The following LINGO2 variants were observed in gnomAD, a reference collection of about 807,000 sequenced individuals.
LINGO2 encodes leucine rich repeat and Ig domain containing 2, also known as leucine-rich repeat and immunoglobulin-like domain-containing nogo receptor-interacting protein 2.
Under a neutral mutation model 30.6 loss-of-function variants are expected in LINGO2, and 14 were observed. That is an observed-to-expected ratio of 0.46 (90% CI 0.30 to 0.72). The LOEUF is 0.72. LINGO2 is among the 30% of genes least tolerant of loss of function. LINGO2 has a pLI of 0.07. For missense variants in LINGO2, 729 were observed against 751.7 expected (o/e 0.97, Z 0.35); for synonymous variants, 317 against 288.5 (o/e 1.10, Z -1.00).
rs112429400 is a variant in LINGO2 at position 28,512,047 on chromosome 9, G to A, written c.-364-36022C>T. ...GGGGAGAGAAGGCAGGATGGCAGGC[G>A]TGGAGGCCATGGGCATTTGAGCCAC... On this transcript the variant is annotated intron_variant, in intron 1 of 5. Coordinates refer to ENST00000379992, the Ensembl canonical transcript of LINGO2. 1.8e-4 allele frequency among the ~76,000 whole-genome samples: 26 copies of A among 145,132 alleles called. 1 individual carries two copies. Among genetic ancestry groups the A allele is most frequent in the African/African-American group, 2.3e-4 (9 of 38,822 alleles).
downstream of LINGO2, chr9:27,943,838 C>G (rs1823263908): frequency 6.6e-6 from 1 of 152,158 alleles, no homozygotes; most frequent in South Asian, 2.1e-4. Context: ...CTTCTGTGGG[C>G]TGTCTCAGGG....
chr9:28,414,196 T>C (rs1564184894), intron 2 of LINGO2, among the ~76,000 whole-genome samples: 1 of 152,040 alleles, frequency 6.6e-6, no homozygotes, highest in Non-Finnish European at 1.5e-5. Context: ...ACTTTACTTG[T>C]TACTGTTTTG....
intron 4 of LINGO2, among the ~76,000 whole-genome samples, chr9:28,146,644 C>A (rs2383762): frequency 6.6e-6 from 1 of 151,898 alleles, no homozygotes; most frequent in Non-Finnish European, 1.5e-5. Context: ...ATGTAGAGTG[C>A]CCAAATGGTT....
intron 1 of LINGO2, among the ~76,000 whole-genome samples, chr9:28,600,747 C>G (rs1320753392): frequency 6.6e-6 from 1 of 152,006 alleles, no homozygotes; most frequent in Non-Finnish European, 1.5e-5. Context: ...CTGTTTGTGG[C>G]TAAATACAGC....
At chr9:28,085,766 C>T (rs983922453) in intron 4 of LINGO2, among the ~76,000 whole-genome samples, 1 of 152,006 alleles carries the variant, frequency 6.6e-6, no homozygotes, top group Non-Finnish European at 1.5e-5. Context: ...AAATCTTTAA[C>T]ATGAAAATGG....
At position 28,179,691 on chromosome 9, in the gene LINGO2, T is replaced by G. The variant is rs557833660; in HGVS notation, c.-87+115517A>C. 6.3e-4 allele frequency among the ~76,000 whole-genome samples: 92 copies of G among 145,164 alleles called. 1 individual carries two copies. The South Asian group carries it at 0.019, about 29-fold the overall frequency. On this transcript the variant is annotated intron_variant, in intron 4 of 5. Coordinates refer to ENST00000379992, the Ensembl canonical transcript of LINGO2. ...ATAGTATTTTATACTATATATACTA[T>G]AGTATATATATATTCTCTATATATA...
intron 4 of LINGO2, among the ~76,000 whole-genome samples, chr9:28,150,366 TA>T (rs991727846): frequency 2.0e-5 from 3 of 151,938 alleles, no homozygotes; most frequent in East Asian, 1.9e-4. Context: ...ACTTTTTAAT[TA>T]AAAAAAAGGA....
chr9:28,930,833 C>T, the LINGO2 span, among the ~76,000 whole-genome samples: 7 of 152,164 alleles, frequency 4.6e-5, no homozygotes, highest in South Asian at 1.4e-3. This position sits in a 1 kb window ranked among gnomAD's most constrained non-coding sequence, Gnocchi z 4.2. Flanking sequence ...TTTTACCAGG[C>T]TAATGTACGG....
the LINGO2 span, among the ~76,000 whole-genome samples, chr9:29,126,799 G>A: frequency 5.9e-5 from 9 of 152,032 alleles, no homozygotes. Context: ...GGATCTGGAG[G>A]CAAAGAACTT....
the LINGO2 span, among the ~76,000 whole-genome samples, chr9:28,820,475 T>C: frequency 6.6e-6 from 1 of 152,176 alleles, no homozygotes; most frequent in Non-Finnish European, 1.5e-5. Context: ...TGTAATCCCA[T>C]ACATTGACGT....
intron 1 of LINGO2, among the ~76,000 whole-genome samples, chr9:28,507,168 T>C (rs1282181813): frequency 6.6e-6 from 1 of 151,690 alleles, no homozygotes; most frequent in Non-Finnish European, 1.5e-5. Flanking sequence ...TTATCCTGGA[T>C]AGCTCAGCAA....
At chr9:28,256,980 C>T (rs1267994309) in intron 4 of LINGO2, among the ~76,000 whole-genome samples, 1 of 151,668 alleles carries the variant, frequency 6.6e-6, no homozygotes, top group Non-Finnish European at 1.5e-5. Context: ...GAATATCTTC[C>T]TGGATCATTA....
At chr9:29,111,705 GAATGA>G in the LINGO2 span, among the ~76,000 whole-genome samples, 1 of 151,286 alleles carries the variant, frequency 6.6e-6, no homozygotes, top group Non-Finnish European at 1.5e-5. Context: ...TACCTATGCA[GAATGA>G]CTAGATGTCC....
At chr9:28,447,557 G>T (rs560165150) in intron 2 of LINGO2, among the ~76,000 whole-genome samples, 19 of 152,262 alleles carry the variant, frequency 1.2e-4, no homozygotes, top group Admixed American at 5.2e-4. Flanking sequence ...GCAACCAACT[G>T]ATTTTTCCTC....
chr9:28,952,884 G>A, the LINGO2 span, among the ~76,000 whole-genome samples: 1 of 152,280 alleles, frequency 6.6e-6, no homozygotes, highest in South Asian at 2.1e-4. Context: ...GGTTTGTTAT[G>A]CAGTGATAAG....
chr9:29,029,864 T>G, the LINGO2 span, among the ~76,000 whole-genome samples: 72 of 58,788 alleles, frequency 1.2e-3, no homozygotes, highest in Non-Finnish European at 2.4e-3. Flanking sequence ...AAGCTTTCAG[T>G]TTTTTTTTTT....
chr9:28,439,051 AT>A (rs1824081032), intron 2 of LINGO2, among the ~76,000 whole-genome samples: 1 of 147,748 alleles, frequency 6.8e-6, no homozygotes, highest in Admixed American at 6.8e-5. Flanking sequence ...AAATACAGAT[AT>A]CTATACATTA....
chr9:28,873,067 T>C, the LINGO2 span, among the ~76,000 whole-genome samples: 1 of 152,090 alleles, frequency 6.6e-6, no homozygotes, highest in East Asian at 1.9e-4. Context: ...CAGATCAACA[T>C]TCTCTACTAG....
chr9:28,219,692 C>A (rs1421619101), intron 4 of LINGO2, among the ~76,000 whole-genome samples: 1 of 152,114 alleles, frequency 6.6e-6, no homozygotes, highest in Non-Finnish European at 1.5e-5. Flanking sequence ...GGTTTATACC[C>A]TTCATAGTTA....
Sources: allele counts gnomAD v4.1 joint callset (sites outside exome capture counted in the v4.1 genomes callset), GRCh38; gene constraint gnomAD v4.1.1; non-coding constraint Gnocchi (gnomAD v3.1); transcripts MANE v1.5; gene names NCBI Gene and HGNC (gene_info 2026-07-23, HGNC 2026-07-21).